Variants in RPAP2 observed in about 807,000 individuals in gnomAD.
RPAP2 encodes RNA polymerase II associated protein 2.
Under a neutral mutation model 73.1 loss-of-function variants are expected in RPAP2, and 52 were observed. That is an observed-to-expected ratio of 0.71 (90% confidence interval 0.57 to 0.90). The LOEUF (loss-of-function observed/expected upper bound fraction) is 0.90, where lower values mean the gene tolerates loss of function less well. Among genes scored for constraint, RPAP2 ranks in the 40% least tolerant of loss-of-function variants. The pLI, the probability that RPAP2 is intolerant of heterozygous loss-of-function variation, is 0.00. For missense variants in RPAP2, 598 were observed against 701.8 expected (o/e 0.85, Z 1.67); for synonymous variants, 225 against 242.1 (o/e 0.93, Z 0.65).
chr1:92,329,102 G>A (rs1652811825), intron 8 of RPAP2, among the ~76,000 whole-genome samples: 1 of 152,182 alleles, frequency 6.6e-6, no homozygotes, highest in African/African-American at 2.4e-5. Context: ...CGCTGGTTTT[G>A]TGTTGGTTGG....
chr1:92,301,571 A>G lies in RPAP2; in HGVS notation c.215A>G (p.Glu72Gly). Residue 72 changes from glutamate to glycine, a missense_variant, in exon 3 of 13, where the codon GAA becomes GGA. By Grantham distance (98) the Glu-to-Gly change is moderately conservative (BLOSUM62 -2). Coordinates refer to ENST00000610020, the MANE Select transcript of RPAP2 (RefSeq NM_024813.3). ...VEQLLEENITEEFLMECGRFI... is the reference protein window; with the variant it reads ...VEQLLEENITGEFLMECGRFI... The stretch of plus-strand genomic sequence containing the variant: ...CAGCTTTTAGAGGAGAATATTACAG[A>G]AGAGTTCCTAATGGAGTGTGTATGT... The G allele has an allele frequency of 1.3e-6, 2 of 1,500,122 alleles. No individual in the cohort carries two copies. Among genetic ancestry groups the G allele is most frequent in the Non-Finnish European group, 1.8e-6 (2 of 1,099,362 alleles). 92.9% of individuals were successfully genotyped at this position (1,500,122 alleles called of 1,614,324 possible).
chr1:92,353,645 C>G lies in RPAP2; in HGVS notation c.1688+7731C>G, dbSNP rs77727733. ...TCATTTTTTGTTTCTTGCTTATATA[C>G]ATCTTGAATTTGTTATCTTATGATA... is the stretch of plus-strand genomic sequence containing the variant. On this transcript the variant is annotated intron_variant, in intron 11 of 12. Transcript: ENST00000610020. 2.5e-3 allele frequency among the ~76,000 whole-genome samples: 383 copies of G among 152,234 alleles called. 3 individuals carry two copies. Among genetic ancestry groups the G allele is most frequent in the South Asian group, 9.3e-3 (45 of 4,824 alleles).
At position 92,373,341 on chromosome 1, in the gene RPAP2, T is replaced by C. The variant is rs1335221215; in HGVS notation, c.1689-7383T>C. 2.3e-4 allele frequency among the ~76,000 whole-genome samples: 35 copies of C among 152,136 alleles called. 1 individual carries two copies. Among genetic ancestry groups the C allele is most frequent in the Admixed American group, 2.3e-3 (35 of 15,268 alleles). The stretch of plus-strand genomic sequence containing the variant: ...TTTAACCTCAGCACAAATTGAGATA[T>C]GGTTAGCCAGTATGATTGGAATAGA... On this transcript the variant is annotated intron_variant, in intron 11 of 12. Transcript: ENST00000610020.
rs573803899 is a variant in RPAP2 at position 92,314,311 on chromosome 1, T to TTTGTTG, written c.489-6281_489-6276dup. The stretch of plus-strand genomic sequence containing the variant: ...ACTCAGAGGCCATTGTAAGGGTTTT[T>TTTGTTG]TTGTTGTTGTTGCTGTTGCTGTTGT... On this transcript the variant is annotated intron_variant, in intron 6 of 12. Transcript: ENST00000610020. 6.1e-4 allele frequency among the ~76,000 whole-genome samples: 93 copies of TTTGTTG among 152,184 alleles called. No homozygotes were observed. In the East Asian group the frequency reaches 0.017, roughly 28 times the overall value.
At chr1:92,303,575 A>G (rs1397188914) in intron 3 of RPAP2, among the ~76,000 whole-genome samples, 3 of 152,218 alleles carry the variant, frequency 2.0e-5, no homozygotes, top group Non-Finnish European at 4.4e-5. Flanking sequence ...TTTAAAAAAT[A>G]GGTAAAATTA....
chr1:92,382,404 T>C (rs1655682152), intron 12 of RPAP2, among the ~76,000 whole-genome samples: 1 of 152,218 alleles, frequency 6.6e-6, no homozygotes, highest in Non-Finnish European at 1.5e-5. Flanking sequence ...CAAGTGTTCC[T>C]ATTTCTCCAC....
chr1:92,324,453 G>C (rs1012335514), intron 8 of RPAP2, 78 bp downstream of exon 8: 1 of 1,075,100 alleles, frequency 9.3e-7, no homozygotes, highest in Non-Finnish European at 1.4e-6. Flanking sequence ...GGAGCAGGAA[G>C]GATATTGAAG....
Position 92,323,659 on chromosome 1 carries a change from A to G in RPAP2, c.739A>G (p.Ile247Val), listed in dbSNP as rs776077987. The G allele has an allele frequency of 1.4e-5, 23 of 1,613,582 alleles. No homozygotes were observed. The highest frequency in any genetic ancestry group is 1.9e-5 in the Non-Finnish European group (22 of 1,179,886). Residue 247 changes from isoleucine to valine, a missense_variant, in exon 8 of 13, where the codon ATA (isoleucine) becomes GTA (valine). Physicochemically the swap from Ile to Val is conservative, Grantham distance 29. This residue lies in a region of RPAP2 where 506 missense variants were observed against 612.8 expected (regional missense o/e 0.83). Transcript: ENST00000610020. ...TAGACCACAGCTGCACCAAAAAAGC[A>G]TAATGAAAAAGAAAGCTGGTCACAA... ...NIRPQLHQKS[I>V]MKKKAGHKAN...
At chr1:92,381,283 A>G (rs1002578041) in intron 12 of RPAP2, among the ~76,000 whole-genome samples, 7 of 151,994 alleles carry the variant, frequency 4.6e-5, no homozygotes, top group Non-Finnish European at 8.8e-5. Context: ...ATCAACCCCT[A>G]CCCAGCCAAT....
intron 8 of RPAP2, among the ~76,000 whole-genome samples, chr1:92,326,617 T>G (rs1353050367): frequency 2.0e-5 from 3 of 152,120 alleles, no homozygotes; most frequent in Non-Finnish European, 4.4e-5. Flanking sequence ...CAAGACTCCT[T>G]GGGCAGGGCT....
At chr1:92,315,310 T>C (rs1157870945) in intron 6 of RPAP2, among the ~76,000 whole-genome samples, 1 of 152,236 alleles carries the variant, frequency 6.6e-6, no homozygotes, top group Non-Finnish European at 1.5e-5. Flanking sequence ...TGACATTTTA[T>C]GTGGGCTTGG....
At chr1:92,333,834 G>A (rs1415416251) in intron 9 of RPAP2, among the ~76,000 whole-genome samples, 1 of 152,174 alleles carries the variant, frequency 6.6e-6, no homozygotes, top group Non-Finnish European at 1.5e-5. Context: ...ATGCAAATAA[G>A]ATGTTATTAC....
At chr1:92,351,305 CAAAAAA>C (rs60111119) in intron 11 of RPAP2, among the ~76,000 whole-genome samples, 3 of 86,838 alleles carry the variant, frequency 3.5e-5, no homozygotes, top group Admixed American at 1.5e-4. Flanking sequence ...GACTCTGTCT[CAAAAAA>C]AAAAAAAAAA....
rs968745383 is a variant in RPAP2, at chr1:92,397,098, A to G, written c.*10087A>G. 6.6e-6 allele frequency: 1 copy of G among 152,240 alleles called. No individual in the cohort carries two copies. Among genetic ancestry groups the G allele is most frequent in the Non-Finnish European group, 1.5e-5 (1 of 68,082 alleles). 9.4% of individuals were successfully genotyped at this position (152,240 alleles called of 1,614,324 possible). On this transcript the variant is annotated 3_prime_UTR_variant, in exon 13 of 13. Transcript: ENST00000610020. ...ACCTAGTGACCTAGGGTAAAGAGAA[A>G]AAGAAGCTAGCCAGGCACAGGGGCT...
intron 12 of RPAP2, among the ~76,000 whole-genome samples, chr1:92,383,603 G>A (rs1655743234): frequency 6.6e-6 from 1 of 152,178 alleles, no homozygotes; most frequent in Non-Finnish European, 1.5e-5. Context: ...TGTGATTTTT[G>A]TACATTGATT....
chr1:92,351,976 A>G (rs1254882662), intron 11 of RPAP2, among the ~76,000 whole-genome samples: 2 of 152,248 alleles, frequency 1.3e-5, no homozygotes, highest in East Asian at 3.9e-4. Context: ...TGTGTGAATT[A>G]TTTGGTTATC....
intron 12 of RPAP2, among the ~76,000 whole-genome samples, chr1:92,384,874 G>A (rs1655799473): frequency 6.6e-6 from 1 of 152,078 alleles, no homozygotes; most frequent in South Asian, 2.1e-4. Flanking sequence ...TCTTGGCTGG[G>A]TGCAGTAGCT....
rs374105804 is a variant in RPAP2 at position 92,304,023 on chromosome 1, G to A, written c.281G>A (p.Arg94His). ...PAHYSDVVDE[R>H]SIVKLCGYPL... The stretch of plus-strand genomic sequence containing the variant: ...CACTACAGTGATGTCGTGGATGAAC[G>A]TTCTATTGTCAAACTCTGTGGTTAT... Residue 94 changes from arginine (R) to histidine (H), a missense_variant, in exon 4 of 13, where the codon CGT becomes CAT. Arg to His is a conservative substitution (Grantham distance 29). Transcript: ENST00000610020. 47 of 1,612,918 alleles carry A rather than the reference G, an allele frequency of 2.9e-5. No homozygotes were observed. The African/African-American group carries it at 4.3e-4, about 15-fold the overall frequency.
At chr1:92,309,972 A>G (rs909348249) in intron 6 of RPAP2, among the ~76,000 whole-genome samples, 9 of 152,246 alleles carry the variant, frequency 5.9e-5, no homozygotes, top group African/African-American at 1.7e-4. Context: ...AAGAAGAATC[A>G]TAATTAAAAG....
Sources: gnomAD v4.1 joint callset for allele counts (sites outside exome capture counted in the v4.1 genomes callset) on GRCh38, gnomAD v4.1.1 for gene constraint, gnomAD v4.1.1 regional missense constraint, MANE v1.5 for transcripts, NCBI Gene and HGNC (gene_info 2026-07-23, HGNC 2026-07-21) for gene names.